SPTA1: variants seen among roughly 807,000 people sequenced by gnomAD.
The protein encoded by SPTA1 is spectrin alpha chain, erythrocytic 1.
In SPTA1, 177 loss-of-function variants were observed where a neutral mutation model predicts 324.7. The ratio of observed to expected loss-of-function variants is 0.55; its 90% CI spans 0.48 to 0.62. SPTA1 has a LOEUF of 0.62. Ranked by LOEUF, SPTA1 falls within the 20% of genes least tolerant of loss-of-function variation. The pLI is 0.00. For missense variants in SPTA1, 3,162 were observed against 2,883.6 expected (o/e 1.10, Z -2.21); for synonymous variants, 1,195 against 1,041.3 (o/e 1.15, Z -2.84).
Position 158,669,511 on chromosome 1 carries a change from A to T in SPTA1, c.1730T>A (p.Leu577Ter), listed in dbSNP as rs1204139177. The change falls in exon 14 of 52, where the codon TTG becomes TAG. Residue 577 changes from leucine (L) to a stop codon, truncating the protein, a stop_gained. Transcript: ENST00000643759. LOFTEE classifies it high-confidence loss of function. ...TTGCAGAAGCAATGACTCCTTCAGC[A>T]ATCTACGTCTAGTGGCAGCCTTTTC... Reference protein sequence around the residue: ...LREKAATRRRLLKESLLLQKL... With the variant: ...LREKAATRRR 1 of 1,614,162 alleles carries T rather than the reference A, an allele frequency of 6.2e-7. No homozygotes were observed. Among genetic ancestry groups the T allele is most frequent in the Non-Finnish European group, 8.5e-7 (1 of 1,180,000 alleles).
At chr1:158,643,114 T>C in intron 31 of SPTA1, 138 bp from the exon 32 acceptor site, 1 of 1,332,258 alleles carries the variant, frequency 7.5e-7, no homozygotes, top group East Asian at 2.5e-5. Context: ...TAAAATGCAG[T>C]GCTAAAGCCA....
At chr1:158,678,645 G>A (rs1235950980) in intron 5 of SPTA1, 111 bp from the exon 6 acceptor site, 1 of 1,318,480 alleles carries the variant, frequency 7.6e-7, no homozygotes, top group Admixed American at 2.0e-5. Context: ...AGTGAAAACT[G>A]ACCATTGTAG....
intron 39 of SPTA1, among the ~76,000 whole-genome samples, chr1:158,632,226 A>G (rs1157574854): frequency 6.6e-6 from 1 of 152,214 alleles, no homozygotes; most frequent in Non-Finnish European, 1.5e-5. Flanking sequence ...TTCCACCTAT[A>G]TGAGGTAGAC....
At chr1:158,620,834 A>G (rs1649859210) in intron 43 of SPTA1, 1 of 137,182 alleles carries the variant, frequency 7.3e-6, no homozygotes, top group African/African-American at 2.8e-5. Flanking sequence ...GGCAAGTAGT[A>G]AACATGAAAA....
chr1:158,651,530 T>A (rs1364144442), intron 23 of SPTA1, 62 bp from the exon 24 acceptor site: 1 of 1,117,242 alleles, frequency 9.0e-7, no homozygotes, highest in African/African-American at 1.5e-5. Flanking sequence ...AATCCCCTCA[T>A]CAAGAATCTA....
Position 158,620,208 on chromosome 1 carries a change from G to A in SPTA1, c.6379C>T (p.Leu2127=), listed in dbSNP as rs748917381. The A allele has an allele frequency of 3.7e-6, 6 of 1,614,094 alleles. No homozygotes were observed. Among genetic ancestry groups the A allele is most frequent in the South Asian group, 3.3e-5 (3 of 91,080 alleles). ...SPYTWLTVEV[L]ERTWKHLSDI... ...GATAGGTGCTTCCAGGTCCTTTCCA[G>A]CACCTCCACTGTTAACCAGGTATAA... The change falls in exon 44 of 52, where the codon CTG becomes TTG. Residue 2127 remains leucine, a synonymous_variant. Transcript: ENST00000643759.
At position 158,611,380 on chromosome 1, in the gene SPTA1, G is replaced by A. The variant is rs199554383; in HGVS notation, c.7144C>T (p.Pro2382Ser). The A allele has an allele frequency of 7.4e-6, 12 of 1,613,592 alleles. No individual in the cohort carries two copies. The South Asian group carries it at 8.8e-5, about 12-fold the overall frequency. Residue 2382 changes from proline to serine, a missense_variant, in exon 52 of 52, where the codon CCA becomes TCA. Physicochemically the swap from Pro to Ser is moderately conservative, Grantham distance 74. Coordinates refer to ENST00000643759, the MANE Select transcript of SPTA1 (RefSeq NM_003126.4). ...GTGGCACAGAATGACACTTGCTCTG[G>A]GGTAAGGGCCTGAAAAGTATAAAAA... is the stretch of plus-strand genomic sequence containing the variant. ...TKEDMKQALTPEQVSFCATHM... is the reference protein window; with the variant it reads ...TKEDMKQALTSEQVSFCATHM...
At chr1:158,627,490 C>A in intron 40 of SPTA1, 135 bp downstream of exon 40, 1 of 843,864 alleles carries the variant, frequency 1.2e-6, no homozygotes. Context: ...CAACAAAAGG[C>A]AGTTTAGAAG....
chr1:158,627,679 G>A lies in SPTA1; in HGVS notation c.5610C>T (p.Val1870=), dbSNP rs369902263. 5 of 1,613,326 alleles carry A rather than the reference G, an allele frequency of 3.1e-6. No individual in the cohort carries two copies. In the South Asian group the frequency reaches 5.5e-5, roughly 18 times the overall value. The change falls in exon 40 of 52, where the codon GTC becomes GTT. Residue 1870 remains valine (V), a synonymous_variant. Transcript: ENST00000643759. The stretch of plus-strand genomic sequence containing the variant: ...ACACATTTTGTACTCGGGTCTCATG[G>A]ACAGCAAAGTCATTTTCCAAAGCTT... ...KHEALENDFA[V]HETRVQNVCA... is the part of the protein sequence containing the mutation.
intron 42 of SPTA1, among the ~76,000 whole-genome samples, chr1:158,624,507 C>T (rs1046103686): frequency 1.3e-5 from 2 of 152,104 alleles, no homozygotes; most frequent in African/African-American, 4.8e-5. Flanking sequence ...TTGTATGAGG[C>T]CTGTAGCCCT....
At position 158,647,722 on chromosome 1, in the gene SPTA1, T is replaced by C; in HGVS notation, c.3715-2A>G. Reference sequence around the variant, plus strand: ...TGCTGTCTCCCCCAGTATGGTCACCTGGGGAGGTACAATAGCTCTGATAAT... The same window carrying C: ...TGCTGTCTCCCCCAGTATGGTCACCCGGGGAGGTACAATAGCTCTGATAAT... On this transcript the variant is annotated splice_acceptor_variant, in intron 26 of 51. Transcript: ENST00000643759. LOFTEE classifies it high-confidence loss of function. 1 of 1,613,840 alleles carries C rather than the reference T, an allele frequency of 6.2e-7. No homozygotes were observed. The highest frequency in any genetic ancestry group is 8.5e-7 in the Non-Finnish European group (1 of 1,179,892).
At chr1:158,673,634 T>G (rs146215025) in intron 10 of SPTA1, among the ~76,000 whole-genome samples, 10 of 152,346 alleles carry the variant, frequency 6.6e-5, no homozygotes, top group African/African-American at 2.2e-4. Context: ...TACTAGGCAC[T>G]GTGGGGAACC....
chr1:158,654,592 G>A lies in SPTA1; in HGVS notation c.3036+19C>T. ...TGAAAGAGCCACTTTTTGATGGAAA[G>A]ATTAGAAGGAAAAGTCACCTTATTG... On this transcript the variant is annotated intron_variant, in intron 21 of 51. Transcript: ENST00000643759. 6.2e-7 allele frequency: 1 copy of A among 1,613,884 alleles called. No homozygotes were observed. The highest frequency in any genetic ancestry group is 2.2e-5 in the East Asian group (1 of 44,842).
chr1:158,642,565 A>G (rs762082453), intron 32 of SPTA1, 23 bp from the exon 33 acceptor site: 16 of 1,612,974 alleles, frequency 9.9e-6, no homozygotes, highest in Non-Finnish European at 1.4e-5. Flanking sequence ...TGAAACAGAA[A>G]TTATATTATC....
chr1:158,671,503 C>T lies in SPTA1; in HGVS notation c.1489-50G>A, dbSNP rs1269111323. On this transcript the variant is annotated intron_variant, in intron 11 of 51. Transcript: ENST00000643759. The stretch of plus-strand genomic sequence containing the variant: ...TAAGCTGTGTCTGACCGGTAAGAAA[C>T]ATTCCTCTTGGCATATCTCTGAGAC... 5 of 1,457,224 alleles carry T rather than the reference C, an allele frequency of 3.4e-6. No homozygotes were observed. The African/African-American group carries it at 4.2e-5, about 12-fold the overall frequency. The allele number at this position is 1,457,224 out of a possible 1,614,324, so 90.3% of individuals were successfully genotyped here.
intron 48 of SPTA1, 41 bp from the exon 49 acceptor site, chr1:158,614,347 A>T: frequency 7.1e-7 from 1 of 1,400,968 alleles, no homozygotes; most frequent in South Asian, 1.2e-5. Context: ...CCTGTATATG[A>T]AACACAGGTT....
chr1:158,618,319 G>T, intron 45 of SPTA1, among the ~76,000 whole-genome samples: 1 of 152,144 alleles, frequency 6.6e-6, no homozygotes, highest in South Asian at 2.1e-4. Flanking sequence ...CACATTGCCA[G>T]GATGTGATGA....
chr1:158,640,730 T>G (rs1379396861), intron 33 of SPTA1, among the ~76,000 whole-genome samples: 1 of 152,126 alleles, frequency 6.6e-6, no homozygotes, highest in Non-Finnish European at 1.5e-5. Flanking sequence ...ATGGCCATAC[T>G]GCCCAAGGTA....
intron 21 of SPTA1, among the ~76,000 whole-genome samples, chr1:158,653,953 C>T (rs1243415132): frequency 6.6e-6 from 1 of 152,002 alleles, no homozygotes; most frequent in Non-Finnish European, 1.5e-5. Context: ...ATGAAGAGGC[C>T]TAGACAAAGA....
Sources: allele counts gnomAD v4.1 joint callset (sites outside exome capture counted in the v4.1 genomes callset), GRCh38; gene constraint gnomAD v4.1.1; transcripts MANE v1.5; gene names NCBI Gene and HGNC (gene_info 2026-07-23, HGNC 2026-07-21).